PTPRK: variants seen among roughly 807,000 people sequenced by gnomAD.
The protein encoded by PTPRK is protein tyrosine phosphatase receptor type K, also known as receptor-type tyrosine-protein phosphatase kappa.
PTPRK carries 75 observed loss-of-function variants against 178.0 expected under a neutral mutation model. That is an observed-to-expected ratio of 0.42 (90% CI 0.35 to 0.51). PTPRK has a LOEUF of 0.51. Among genes scored for constraint, PTPRK ranks in the 20% least tolerant of loss-of-function variants. The pLI, the probability that PTPRK is intolerant of heterozygous loss-of-function variation, is 0.02. For missense variants in PTPRK, 1,441 were observed against 1,797.8 expected, an observed-to-expected ratio of 0.80 and a Z score of 3.59; for synonymous variants, 637 against 620.6, an observed-to-expected ratio of 1.03 and a Z score of -0.39.
At chr6:128,487,840 G>C (rs1157990149) in intron 1 of PTPRK, among the ~76,000 whole-genome samples, 1 of 152,142 alleles carries the variant, frequency 6.6e-6, no homozygotes. Flanking sequence ...GGTCAGATGA[G>C]AGCCTTATCA....
chr6:128,216,884 T>A (rs988810478), intron 6 of PTPRK, among the ~76,000 whole-genome samples: 1 of 152,132 alleles, frequency 6.6e-6, no homozygotes, highest in African/African-American at 2.4e-5. Context: ...CAAGAGTGAC[T>A]TTTCTGGAAA....
chr6:128,044,955 G>T (rs932628970), intron 13 of PTPRK, among the ~76,000 whole-genome samples: 10 of 152,014 alleles, frequency 6.6e-5, no homozygotes, highest in African/African-American at 2.4e-4. Flanking sequence ...CTGGTACACA[G>T]GGAGTGTTTA....
intron 6 of PTPRK, among the ~76,000 whole-genome samples, chr6:128,186,133 G>A (rs962162988): frequency 6.6e-6 from 1 of 152,050 alleles, no homozygotes; most frequent in Non-Finnish European, 1.5e-5. Flanking sequence ...TTAATTGTTA[G>A]GCTGTCCTAC....
At chr6:128,131,168 T>G (rs1345018870) in intron 7 of PTPRK, among the ~76,000 whole-genome samples, 1 of 152,176 alleles carries the variant, frequency 6.6e-6, no homozygotes, top group Admixed American at 6.5e-5. Context: ...GGACTACAGA[T>G]TGTGCAGGGA....
intron 2 of PTPRK, 50 bp from the exon 3 acceptor site, chr6:128,322,360 G>A (rs1170233810): frequency 6.8e-7 from 1 of 1,469,410 alleles, no homozygotes; most frequent in Non-Finnish European, 9.4e-7. Context: ...TAAGCAAAGG[G>A]AACATATAAC....
chr6:128,244,156 A>C (rs975657595), intron 3 of PTPRK, among the ~76,000 whole-genome samples: 3 of 152,310 alleles, frequency 2.0e-5, no homozygotes, highest in African/African-American at 7.2e-5. Flanking sequence ...TGAGGGAGAA[A>C]ATAATGAAGT....
chr6:128,372,465 T>C (rs1295491042), intron 2 of PTPRK, among the ~76,000 whole-genome samples: 3 of 152,146 alleles, frequency 2.0e-5, no homozygotes, highest in Non-Finnish European at 4.4e-5. Context: ...CAACATTCAA[T>C]GTATCAGGAA....
chr6:128,315,582 T>G (rs1341425581), intron 3 of PTPRK, among the ~76,000 whole-genome samples: 2 of 152,156 alleles, frequency 1.3e-5, no homozygotes, highest in African/African-American at 4.8e-5. Flanking sequence ...CTAGATTACA[T>G]GAGTAAAATT....
intron 7 of PTPRK, among the ~76,000 whole-genome samples, chr6:128,172,971 T>G (rs890125002): frequency 1.3e-5 from 2 of 151,834 alleles, no homozygotes; most frequent in African/African-American, 4.8e-5. Flanking sequence ...ATACAGCATA[T>G]GAGCACCAGG....
chr6:128,468,253 C>T (rs2128416731), intron 1 of PTPRK, among the ~76,000 whole-genome samples: 1 of 152,282 alleles, frequency 6.6e-6, no homozygotes, highest in Middle Eastern at 3.4e-3. Flanking sequence ...TTGGGGCTCA[C>T]AATTTGTAGG....
At chr6:128,455,157 A>C (rs887710628) in intron 1 of PTPRK, among the ~76,000 whole-genome samples, 3 of 152,160 alleles carry the variant, frequency 2.0e-5, no homozygotes, top group Admixed American at 1.3e-4. Flanking sequence ...CAAAATTATT[A>C]TGTGATTCAG....
intron 12 of PTPRK, among the ~76,000 whole-genome samples, chr6:128,066,902 C>T (rs1781874199): frequency 6.6e-6 from 1 of 152,116 alleles, no homozygotes; most frequent in Admixed American, 6.6e-5. Flanking sequence ...ACAACTGTGT[C>T]CAAAATGGGA....
At chr6:128,000,173 C>CTTTT in intron 15 of PTPRK, 1 of 911,700 alleles carries the variant, frequency 1.1e-6, no homozygotes, top group Non-Finnish European at 1.3e-6. Context: ...CTTAGGGGAA[C>CTTTT]TTTTTTTTTA....
intron 7 of PTPRK, among the ~76,000 whole-genome samples, chr6:128,177,095 A>G (rs770027016): frequency 4.0e-5 from 6 of 151,774 alleles, no homozygotes; most frequent in Non-Finnish European, 7.4e-5. Context: ...TATACCTCAT[A>G]GTGACCCCAA....
chr6:128,027,266 C>T (rs1454854150), intron 13 of PTPRK, among the ~76,000 whole-genome samples: 3 of 152,138 alleles, frequency 2.0e-5, no homozygotes, highest in Non-Finnish European at 4.4e-5. Flanking sequence ...AGCATGTTTC[C>T]CACTGAACAG....
At chr6:128,232,390 A>G (rs921960334) in intron 5 of PTPRK, among the ~76,000 whole-genome samples, 7 of 152,366 alleles carry the variant, frequency 4.6e-5, no homozygotes, top group African/African-American at 1.2e-4. Flanking sequence ...GGCAAAAAGT[A>G]TCTTAAAAAG....
chr6:128,216,193 C>T (rs1583524361), intron 6 of PTPRK, among the ~76,000 whole-genome samples: 1 of 152,058 alleles, frequency 6.6e-6, no homozygotes, highest in Non-Finnish European at 1.5e-5. Context: ...TTCAACTCAA[C>T]CTTTCCAACA....
chr6:128,283,134 T>G (rs1441519610), intron 3 of PTPRK, among the ~76,000 whole-genome samples: 3 of 152,152 alleles, frequency 2.0e-5, no homozygotes, highest in African/African-American at 7.2e-5. Flanking sequence ...ACCCAGCTTG[T>G]GTTTGACTTG....
Position 128,460,255 on chromosome 6 carries a change from C to G in PTPRK, c.100+60004G>C, listed in dbSNP as rs75902715. 9.9e-5 allele frequency among the ~76,000 whole-genome samples: 15 copies of G among 152,148 alleles called. No homozygotes were observed. In the East Asian group the frequency reaches 2.7e-3, roughly 28 times the overall value. ...TGGTTTGAAAATCATCAAGAATGCC[C>G]TTTTCCAGCTGGGCATGGGGACTCA... On this transcript the variant is annotated intron_variant, in intron 1 of 29. Transcript: ENST00000368226.
Sources: allele counts gnomAD v4.1 joint callset (sites outside exome capture counted in the v4.1 genomes callset), GRCh38; gene constraint gnomAD v4.1.1; transcripts MANE v1.5; gene names NCBI Gene and HGNC (gene_info 2026-07-23, HGNC 2026-07-21).